Variants in EDA observed in about 807,000 individuals in gnomAD.
The protein encoded by EDA is ectodysplasin-A.
EDA carries 2 observed loss-of-function variants against 23.6 expected under a neutral mutation model. The observed-to-expected ratio is 0.08, with a 90% CI of 0.03 to 0.27. The LOEUF (loss-of-function observed/expected upper bound fraction) is 0.27, where lower values mean the gene tolerates loss of function less well. Ranked by LOEUF, EDA falls within the 10% of genes least tolerant of loss-of-function variation. The probability of loss-of-function intolerance (pLI) is 1.00; values close to 1 mark genes in which losing one functional copy is unlikely to be tolerated. For synonymous variants in EDA, 131 were observed against 132.0 expected, an observed-to-expected ratio of 0.99 and a Z score of 0.05; for missense variants, 229 against 324.2, an observed-to-expected ratio of 0.71 and a Z score of 2.26.
At chrX:69,838,885 C>T (rs1027865083) in intron 1 of EDA, among the ~76,000 whole-genome samples, 1 of 111,981 alleles carries the variant, frequency 8.9e-6, no homozygotes, top group Non-Finnish European at 1.9e-5. Flanking sequence ...AAGTTTTTCC[C>T]AATCCAAATT....
intron 1 of EDA, among the ~76,000 whole-genome samples, chrX:69,751,980 C>T (rs181608164): frequency 1.4e-4 from 16 of 110,389 alleles, no homozygotes; most frequent in African/African-American, 2.6e-4. Flanking sequence ...TTTTGGGCTG[C>T]GACGATGGGG....
At chrX:69,965,785 G>A (rs914127306) in intron 2 of EDA, among the ~76,000 whole-genome samples, 1 of 112,386 alleles carries the variant, frequency 8.9e-6, no homozygotes, top group Non-Finnish European at 1.9e-5. Flanking sequence ...GGTGGCTTAC[G>A]CCTGTAATCC....
chrX:69,831,042 C>G (rs1390775933), intron 1 of EDA, among the ~76,000 whole-genome samples: 3 of 111,351 alleles, frequency 2.7e-5, no homozygotes, highest in Non-Finnish European at 5.7e-5. Flanking sequence ...CCATTGTTTC[C>G]AAACTTACTT....
At chrX:69,937,067 G>T in intron 1 of EDA, 1 of 577,284 alleles carries the variant, frequency 1.7e-6, no homozygotes, top group Non-Finnish European at 2.8e-6. Context: ...GGAAGGGACT[G>T]TCTGTTGTTC....
At chrX:69,668,858 C>T (rs1259710315) in intron 1 of EDA, among the ~76,000 whole-genome samples, 3 of 111,217 alleles carry the variant, frequency 2.7e-5, no homozygotes, top group Admixed American at 9.5e-5. Flanking sequence ...TGAGCCACCA[C>T]GCCCAGCCTG....
At chrX:69,814,802 A>G (rs1319525264) in intron 1 of EDA, among the ~76,000 whole-genome samples, 1 of 111,855 alleles carries the variant, frequency 8.9e-6, no homozygotes, top group Non-Finnish European at 1.9e-5. Context: ...GCAACCCCAC[A>G]CAAGAAAACA....
chrX:69,955,127 A>G (rs773844114), intron 1 of EDA, among the ~76,000 whole-genome samples: 2 of 112,107 alleles, frequency 1.8e-5, no homozygotes, highest in Non-Finnish European at 3.8e-5. Flanking sequence ...ACAGCAGTTT[A>G]GTTTTATACT....
chrX:69,698,998 C>T (rs1040015006), intron 1 of EDA, among the ~76,000 whole-genome samples: 7 of 111,489 alleles, frequency 6.3e-5, no homozygotes, highest in African/African-American at 2.0e-4. Flanking sequence ...AGCCATTTAC[C>T]GGGCAGCATG....
rs984105367 is a variant in EDA at position 69,656,003 on chromosome X, A to G, written c.396+39299A>G. 3.5e-4 allele frequency among the ~76,000 whole-genome samples: 37 copies of G among 106,969 alleles called. No homozygotes were observed. In the East Asian group the frequency reaches 0.011, roughly 30 times the overall value. 92.9% of individuals were successfully genotyped at this position (106,969 alleles called of 115,157 possible). A position where few individuals can be genotyped will look rare whatever the true frequency, so the allele number is the denominator to read the frequency against. ...TTGCCCACCATCTAACCTACTGCCA[A>G]TTTAGGCAAAATTACCCTTGTCTTT... On this transcript the variant is annotated intron_variant, in intron 1 of 7. Coordinates refer to ENST00000374552, the MANE Select transcript of EDA (RefSeq NM_001399.5).
In EDA at chrX:69,701,456, G is replaced by A. The variant is rs188743907; in HGVS notation, c.396+84752G>A. Among the ~76,000 whole-genome samples the A allele has an allele frequency of 4.5e-4, 51 of 112,288 alleles. 1 individual carries two copies. The highest frequency in any genetic ancestry group is 3.6e-3 in the Admixed American group (38 of 10,682). The stretch of plus-strand genomic sequence containing the variant: ...CTAGGAGGATTCTGTGTGGAGCTGC[G>A]GCCCTTGGGCCTGCAGGGCCCCTTA... On this transcript the variant is annotated intron_variant, in intron 1 of 7. Transcript: ENST00000374552.
At chrX:69,870,375 T>C (rs952016078) in intron 1 of EDA, among the ~76,000 whole-genome samples, 1 of 110,918 alleles carries the variant, frequency 9.0e-6, no homozygotes, top group Non-Finnish European at 1.9e-5. Context: ...CACCTCCTCA[T>C]GGGTCACACT....
At chrX:69,717,272 A>G (rs550973738) in intron 1 of EDA, among the ~76,000 whole-genome samples, 6 of 111,359 alleles carry the variant, frequency 5.4e-5, no homozygotes, top group Non-Finnish European at 9.4e-5. Context: ...AGTTTTTAAC[A>G]TGAAGGGATT....
chrX:69,837,471 G>C (rs1176623683), intron 1 of EDA, among the ~76,000 whole-genome samples: 1 of 112,276 alleles, frequency 8.9e-6, no homozygotes. Context: ...TTAAATGAAG[G>C]CTCATAAAAA....
At chrX:69,752,468 A>T (rs2013921209) in intron 1 of EDA, among the ~76,000 whole-genome samples, 1 of 111,599 alleles carries the variant, frequency 9.0e-6, no homozygotes, top group African/African-American at 3.3e-5. Flanking sequence ...GTGCTGCTGG[A>T]TTCAGTTTGC....
intron 3 of EDA, among the ~76,000 whole-genome samples, chrX:70,025,528 GT>G (rs945858238): frequency 8.9e-6 from 1 of 111,799 alleles, no homozygotes; most frequent in Non-Finnish European, 1.9e-5. Flanking sequence ...CAAGCTCCTT[GT>G]TTCACAGATG....
intron 6 of EDA, 105 bp from the exon 7 acceptor site, chrX:70,033,293 G>C: frequency 9.2e-7 from 1 of 1,089,173 alleles, no homozygotes; most frequent in Non-Finnish European, 1.3e-6. Context: ...GGCTACCCTG[G>C]TTGCACTGGG....
intron 2 of EDA, among the ~76,000 whole-genome samples, chrX:70,018,102 C>T (rs76721011): frequency 9.0e-6 from 1 of 111,445 alleles, no homozygotes; most frequent in Non-Finnish European, 1.9e-5. Context: ...CCATTCACAA[C>T]AGCCCAAAAA....
chrX:69,758,007 G>A (rs1272472935), intron 1 of EDA, among the ~76,000 whole-genome samples: 1 of 112,141 alleles, frequency 8.9e-6, no homozygotes, highest in Non-Finnish European at 1.9e-5. Context: ...GAGTCATCAT[G>A]CTCAAGCGAT....
chrX:69,693,031 C>A (rs976393549), intron 1 of EDA: 1 of 111,664 alleles, frequency 9.0e-6, no homozygotes, highest in Non-Finnish European at 1.9e-5. Flanking sequence ...GCACTAAAAA[C>A]CATATTATCT....
Sources: allele counts gnomAD v4.1 joint callset (sites outside exome capture counted in the v4.1 genomes callset), GRCh38; gene constraint gnomAD v4.1.1; transcripts MANE v1.5; gene names NCBI Gene and HGNC (gene_info 2026-07-23, HGNC 2026-07-21).